The following MYRIP variants were observed in gnomAD, a reference collection of about 807,000 sequenced individuals.
MYRIP encodes the protein myosin VIIA and Rab interacting protein.
In MYRIP, 49 loss-of-function variants were observed where a neutral mutation model predicts 98.0. That is an observed-to-expected ratio of 0.50 (90% CI 0.40 to 0.63). The LOEUF (loss-of-function observed/expected upper bound fraction) is 0.63. MYRIP is among the 30% of genes least tolerant of loss of function. The pLI is 0.00. For synonymous variants in MYRIP, 404 were observed against 409.5 expected (o/e 0.99, Z 0.16); for missense variants, 1,004 against 1,058.2 (o/e 0.95, Z 0.71).
chr3:39,922,399 G>A (rs1203962303), intron 2 of MYRIP, among the ~76,000 whole-genome samples: 1 of 152,192 alleles, frequency 6.6e-6, no homozygotes, highest in African/African-American at 2.4e-5. Context: ...ATCCTTAATG[G>A]CCAGTAATGA....
At chr3:40,189,453 C>T (rs1010724133) in intron 9 of MYRIP, among the ~76,000 whole-genome samples, 1 of 152,158 alleles carries the variant, frequency 6.6e-6, no homozygotes, top group Non-Finnish European at 1.5e-5. Flanking sequence ...AAATTGTAGC[C>T]CAAGGTCAAA....
At chr3:40,212,154 GTGTATATA>G in intron 11 of MYRIP, among the ~76,000 whole-genome samples, 1 of 9,566 alleles carries the variant, frequency 1.0e-4, no homozygotes, top group South Asian at 2.2e-3. Flanking sequence ...ATATATATAC[GTGTATATA>G]TATATACATA....
chr3:39,910,983 G>A (rs778223913), intron 2 of MYRIP, among the ~76,000 whole-genome samples: 7 of 152,112 alleles, frequency 4.6e-5, no homozygotes, highest in Non-Finnish European at 1.0e-4. Context: ...CGTGAAGGTG[G>A]TCTCTGAGTC....
intron 8 of MYRIP, among the ~76,000 whole-genome samples, chr3:40,179,083 TAAAC>T (rs1950830582): frequency 6.6e-6 from 1 of 152,198 alleles, no homozygotes; most frequent in Non-Finnish European, 1.5e-5. Context: ...GCCAGTATAA[TAAAC>T]AAATAAATTA....
At chr3:39,944,717 T>A (rs1468077854) in intron 2 of MYRIP, among the ~76,000 whole-genome samples, 1 of 152,160 alleles carries the variant, frequency 6.6e-6, no homozygotes, top group African/African-American at 2.4e-5. Context: ...AAGAAACACA[T>A]GCTTGTGTGA....
intron 2 of MYRIP, among the ~76,000 whole-genome samples, chr3:40,020,500 A>G (rs919820788): frequency 6.6e-6 from 1 of 152,208 alleles, no homozygotes; most frequent in African/African-American, 2.4e-5. Context: ...TCGAGTGAAG[A>G]TGAACATTAA....
At chr3:40,226,753 C>T (rs1002190495) in intron 11 of MYRIP, among the ~76,000 whole-genome samples, 4 of 152,184 alleles carry the variant, frequency 2.6e-5, no homozygotes, top group East Asian at 1.9e-4. Context: ...GCAAATGATG[C>T]ACTTATCCCA....
intron 2 of MYRIP, among the ~76,000 whole-genome samples, chr3:39,924,036 A>T (rs1221994753): frequency 6.6e-6 from 1 of 152,086 alleles, no homozygotes; most frequent in Non-Finnish European, 1.5e-5. Context: ...ATTCTAAAAA[A>T]TGTTCAAGTA....
intron 3 of MYRIP, among the ~76,000 whole-genome samples, chr3:40,125,166 C>G (rs528833344): frequency 2.8e-4 from 42 of 152,346 alleles, no homozygotes; most frequent in African/African-American, 9.9e-4. Context: ...GAGCTCAAAT[C>G]CCAGCCCTGC....
intron 3 of MYRIP, among the ~76,000 whole-genome samples, chr3:40,079,379 GTGA>G (rs1299202566): frequency 6.6e-6 from 1 of 152,182 alleles, no homozygotes; most frequent in African/African-American, 2.4e-5. Flanking sequence ...TAGTGGGCCT[GTGA>G]CCTACACAGT....
chr3:40,251,173 C>T (rs543956066), intron 15 of MYRIP, among the ~76,000 whole-genome samples: 3 of 152,172 alleles, frequency 2.0e-5, no homozygotes, highest in Non-Finnish European at 2.9e-5. Context: ...TGATACCAAA[C>T]TAGAAATTTA....
chr3:40,230,888 G>A (rs1260803980), intron 11 of MYRIP, among the ~76,000 whole-genome samples: 9 of 150,922 alleles, frequency 6.0e-5, no homozygotes, highest in East Asian at 5.8e-4. Flanking sequence ...GTGCAATGGC[G>A]GGTCTCAGCT....
intron 11 of MYRIP, among the ~76,000 whole-genome samples, chr3:40,223,372 CTAATA>C (rs1427141350): frequency 1.3e-5 from 2 of 152,096 alleles, no homozygotes; most frequent in Non-Finnish European, 2.9e-5. Context: ...TTGTGAGCTA[CTAATA>C]TAAGATGTAA....
intron 2 of MYRIP, 87 bp from the exon 3 acceptor site, chr3:40,043,963 G>A: frequency 7.8e-7 from 1 of 1,277,894 alleles, no homozygotes; most frequent in South Asian, 1.4e-5. Context: ...CCTAAGGGAG[G>A]GACAGGGTGC....
chr3:39,871,710 A>G (rs1404394455), intron 1 of MYRIP, among the ~76,000 whole-genome samples: 1 of 152,158 alleles, frequency 6.6e-6, no homozygotes, highest in African/African-American at 2.4e-5. Flanking sequence ...TATCATCATC[A>G]TTAACATCAC....
intron 2 of MYRIP, among the ~76,000 whole-genome samples, chr3:40,018,389 C>T (rs995013707): frequency 2.6e-5 from 4 of 152,172 alleles, no homozygotes; most frequent in African/African-American, 7.2e-5. Context: ...TCCTGTCTCC[C>T]GCTAAACATG....
chr3:39,884,520 C>T (rs932500116), intron 1 of MYRIP, among the ~76,000 whole-genome samples: 4 of 152,084 alleles, frequency 2.6e-5, no homozygotes, highest in Non-Finnish European at 2.9e-5. Flanking sequence ...AGTTGAAGGA[C>T]TTAATATAAA....
chr3:40,158,780 T>C (rs186167798), intron 4 of MYRIP, among the ~76,000 whole-genome samples: 1 of 147,630 alleles, frequency 6.8e-6, no homozygotes, highest in East Asian at 2.0e-4. Flanking sequence ...TGATCTTTGT[T>C]GGTTTAAAGT....
At chr3:39,963,556 C>G (rs577602750) in intron 2 of MYRIP, among the ~76,000 whole-genome samples, 2 of 152,224 alleles carry the variant, frequency 1.3e-5, no homozygotes, top group African/African-American at 4.8e-5. Flanking sequence ...AATTCATATG[C>G]AAATGCAGGG....
Sources: allele counts gnomAD v4.1 joint callset (sites outside exome capture counted in the v4.1 genomes callset), GRCh38; gene constraint gnomAD v4.1.1; transcripts MANE v1.5; gene names NCBI Gene and HGNC (gene_info 2026-07-23, HGNC 2026-07-21).